The following WWOX variants were observed in gnomAD, a reference collection of about 807,000 sequenced individuals.
The protein encoded by WWOX is WW domain containing oxidoreductase.
A neutral mutation model predicts 46.2 loss-of-function variants in WWOX; 69 were observed. The observed-to-expected ratio is 1.49, with a 90% CI of 1.23 to 1.82. WWOX has a LOEUF of 1.82. Among genes scored for constraint, WWOX ranks in the 40% most tolerant of loss-of-function variants. The probability of loss-of-function intolerance (pLI) is 0.00; values close to 1 mark genes in which losing one functional copy is unlikely to be tolerated. For missense variants in WWOX, 919 were observed against 542.6 expected (o/e 1.69, Z -6.89); for synonymous variants, 359 against 202.6 (o/e 1.77, Z -6.56).
chr16:79,191,997 A>C (rs1269278467), intron 8 of WWOX, among the ~76,000 whole-genome samples: 1 of 152,210 alleles, frequency 6.6e-6, no homozygotes, highest in Admixed American at 6.5e-5. Context: ...CAATCACTTG[A>C]AACGCCTTAC....
At chr16:78,230,052 AT>A (rs1311738567) in intron 5 of WWOX, among the ~76,000 whole-genome samples, 1 of 151,640 alleles carries the variant, frequency 6.6e-6, no homozygotes, top group African/African-American at 2.4e-5. Context: ...GCTAATTTTT[AT>A]ATTTTTTGTG....
intron 8 of WWOX, among the ~76,000 whole-genome samples, chr16:78,966,440 A>G (rs938021335): frequency 6.6e-6 from 1 of 152,118 alleles, no homozygotes; most frequent in East Asian, 1.9e-4. Context: ...ATACCCTTCC[A>G]CAATATTATA....
chr16:79,003,118 C>T, intron 8 of WWOX, among the ~76,000 whole-genome samples: 1 of 152,208 alleles, frequency 6.6e-6, no homozygotes, highest in East Asian at 1.9e-4. Context: ...CCCTCTTTTG[C>T]AGTGAGCAGA....
At chr16:78,607,643 T>A (rs1567432551) in intron 8 of WWOX, among the ~76,000 whole-genome samples, 1 of 114,336 alleles carries the variant, frequency 8.7e-6, no homozygotes, top group East Asian at 2.6e-4. Context: ...CATTTGTTCT[T>A]CTTTTTTTTT....
At chr16:78,122,331 G>T (rs1025235269) in intron 4 of WWOX, among the ~76,000 whole-genome samples, 2 of 152,116 alleles carry the variant, frequency 1.3e-5, no homozygotes, top group African/African-American at 4.8e-5. Flanking sequence ...TTTCATGCCT[G>T]CATGTAGGTT....
At chr16:78,184,987 C>G (rs2035650262) in intron 5 of WWOX, among the ~76,000 whole-genome samples, 1 of 152,172 alleles carries the variant, frequency 6.6e-6, no homozygotes. Flanking sequence ...TCTCACTCAG[C>G]CACCGGGGCC....
intron 8 of WWOX, among the ~76,000 whole-genome samples, chr16:79,084,679 C>T (rs2048822164): frequency 6.6e-6 from 1 of 152,168 alleles, no homozygotes; most frequent in Non-Finnish European, 1.5e-5. Context: ...TCCCAAAGTG[C>T]TGGGATTACA....
At chr16:78,466,717 G>A (rs571787949) in intron 8 of WWOX, among the ~76,000 whole-genome samples, 1 of 152,066 alleles carries the variant, frequency 6.6e-6, no homozygotes, top group Non-Finnish European at 1.5e-5. Flanking sequence ...GCTTGGCGCT[G>A]GGTTTCTGTA....
intron 8 of WWOX, among the ~76,000 whole-genome samples, chr16:79,015,917 AT>A (rs2047403485): frequency 6.6e-6 from 1 of 152,128 alleles, no homozygotes; most frequent in East Asian, 1.9e-4. Context: ...CTCACAGCTA[AT>A]TTTAGTATTT....
At chr16:78,891,349 A>T (rs1357675053) in intron 8 of WWOX, 1 of 152,018 alleles carries the variant, frequency 6.6e-6, no homozygotes, top group African/African-American at 2.4e-5. Flanking sequence ...AGGACTCTAA[A>T]CGATTGCGCT....
chr16:78,449,238 A>C (rs540594331), intron 8 of WWOX, among the ~76,000 whole-genome samples: 1 of 152,344 alleles, frequency 6.6e-6, no homozygotes, highest in African/African-American at 2.4e-5. Flanking sequence ...GAAGCATGTA[A>C]GCCAAGAAGG....
At chr16:78,192,670 G>A (rs971516028) in intron 5 of WWOX, among the ~76,000 whole-genome samples, 1 of 152,096 alleles carries the variant, frequency 6.6e-6, no homozygotes, top group Admixed American at 6.5e-5. Flanking sequence ...CGTTTGAAAT[G>A]TTGAAGCTTT....
intron 8 of WWOX, among the ~76,000 whole-genome samples, chr16:78,881,938 C>G (rs1233396775): frequency 1.3e-5 from 2 of 152,084 alleles, no homozygotes; most frequent in Non-Finnish European, 2.9e-5. Context: ...TCCTGGCCAA[C>G]ATGGTGAAAC....
rs187220160 is a variant in WWOX, at chr16:78,759,556, T to C, written c.1056+326804T>C. On this transcript the variant is annotated intron_variant, in intron 8 of 8. Coordinates refer to ENST00000566780, the MANE Select transcript of WWOX (RefSeq NM_016373.4). ...ATATCTCGGGCACAAACCTAGGTAC[T>C]CATTGAATCCTTTAAACTAACCCTC... 5.3e-5 allele frequency among the ~76,000 whole-genome samples: 8 copies of C among 152,226 alleles called. No individual in the cohort carries two copies. The East Asian group carries it at 1.6e-3, about 30-fold the overall frequency.
chr16:79,040,944 G>C (rs973794219), intron 8 of WWOX, among the ~76,000 whole-genome samples: 5 of 152,086 alleles, frequency 3.3e-5, no homozygotes, highest in South Asian at 4.2e-4. Flanking sequence ...TGGAGCATGG[G>C]TTTTGGGCTG....
chr16:79,108,654 C>T (rs1177394875), intron 8 of WWOX, among the ~76,000 whole-genome samples: 1 of 152,156 alleles, frequency 6.6e-6, no homozygotes, highest in Non-Finnish European at 1.5e-5. Context: ...GTAATCCTAG[C>T]ACTTTGAGAG....
intron 8 of WWOX, among the ~76,000 whole-genome samples, chr16:78,824,634 C>T (rs1195250235): frequency 1.3e-5 from 2 of 152,142 alleles, no homozygotes; most frequent in African/African-American, 4.8e-5. Flanking sequence ...TCTTACACGG[C>T]AGCGGCAAGA....
At chr16:78,722,328 C>G (rs2048712951) in intron 8 of WWOX, among the ~76,000 whole-genome samples, 1 of 152,180 alleles carries the variant, frequency 6.6e-6, no homozygotes, top group South Asian at 2.1e-4. Context: ...GGCTCTTGGT[C>G]TCAGTTTTCT....
At chr16:78,341,103 GCTTAAGACTCAGCTCT>G (rs2151899811) in intron 5 of WWOX, among the ~76,000 whole-genome samples, 1 of 102,736 alleles carries the variant, frequency 9.7e-6, no homozygotes, top group South Asian at 2.7e-4. Context: ...CCCATGGCTA[GCTTAAGACTCAGCTCT>G]CTTAAGTCAC....
Sources: gnomAD v4.1 joint callset for allele counts (sites outside exome capture counted in the v4.1 genomes callset) on GRCh38, gnomAD v4.1.1 for gene constraint, MANE v1.5 for transcripts, NCBI Gene and HGNC (gene_info 2026-07-23, HGNC 2026-07-21) for gene names.